ERCC6L2: variants seen among roughly 807,000 people sequenced by gnomAD.
The protein encoded by ERCC6L2 is DNA excision repair protein ERCC-6-like 2.
ERCC6L2 carries 77 observed loss-of-function variants against 132.0 expected under a neutral mutation model. The observed-to-expected ratio is 0.58, with a 90% CI of 0.49 to 0.71. ERCC6L2 has a LOEUF of 0.71. ERCC6L2 is among the 30% of genes least tolerant of loss of function. The pLI is 0.00. For missense variants in ERCC6L2, 1,542 were observed against 1,837.6 expected (o/e 0.84, Z 2.94); for synonymous variants, 583 against 632.4 (o/e 0.92, Z 1.17).
intron 19 of ERCC6L2, chr9:96,038,791 C>T (rs1834547442): frequency 4.4e-6 from 2 of 451,560 alleles, no homozygotes; most frequent in Non-Finnish European, 8.9e-6. Context: ...TAATTCCCCT[C>T]ATACCGAATG....
chr9:95,947,422 GGT>G (rs1371039713), intron 12 of ERCC6L2, among the ~76,000 whole-genome samples: 2 of 152,150 alleles, frequency 1.3e-5, no homozygotes, highest in African/African-American at 4.8e-5. Flanking sequence ...TGCAGGGATT[GGT>G]TCATGATGTT....
intron 17 of ERCC6L2, among the ~76,000 whole-genome samples, chr9:95,982,120 T>G (rs1279208180): frequency 6.6e-6 from 1 of 152,188 alleles, no homozygotes; most frequent in African/African-American, 2.4e-5. Context: ...CGGGTCGCTT[T>G]GTAGTAAAAC....
In ERCC6L2 at chr9:95,973,147, T is replaced by C. The variant is rs530026439; in HGVS notation, c.3337+59T>C. ...GTATATTTGTTTTATCAAATAGTTC[T>C]GTGAGACGCTTTGAATTAACTTGTA... On this transcript the variant is annotated intron_variant, in intron 16 of 18. Transcript: ENST00000653738. 4.5e-6 allele frequency: 5 copies of C among 1,101,514 alleles called. No individual in the cohort carries two copies. In the South Asian group the frequency reaches 8.1e-5, roughly 18 times the overall value. The allele number at this position is 1,101,514 out of a possible 1,614,324, so 68.2% of individuals were successfully genotyped here. A position where few individuals can be genotyped will look rare whatever the true frequency, so the allele number is the denominator to read the frequency against.
intron 2 of ERCC6L2, among the ~76,000 whole-genome samples, chr9:95,883,051 T>C (rs1429797478): frequency 6.6e-6 from 1 of 152,170 alleles, no homozygotes; most frequent in Non-Finnish European, 1.5e-5. Flanking sequence ...CCTAAAGCTT[T>C]AAACTTGTAT....
At chr9:96,041,046 C>T (rs773345188) in intron 20 of ERCC6L2, among the ~76,000 whole-genome samples, 1 of 152,158 alleles carries the variant, frequency 6.6e-6, no homozygotes. Flanking sequence ...AAGAACGAGC[C>T]CGATGCCAAT....
At chr9:95,916,168 A>G in intron 5 of ERCC6L2, 59 bp from the exon 6 acceptor site, 1 of 1,469,142 alleles carries the variant, frequency 6.8e-7, no homozygotes, top group Non-Finnish European at 9.5e-7. Context: ...TCTTAGAAGC[A>G]AGAAGTTAGT....
chr9:95,992,685 AC>A (rs1329303621), intron 17 of ERCC6L2, among the ~76,000 whole-genome samples: 1 of 152,176 alleles, frequency 6.6e-6, no homozygotes, highest in African/African-American at 2.4e-5. Flanking sequence ...TTCCCCAGAC[AC>A]TGGAGAGCCA....
At chr9:95,950,526 A>G (rs1362674408) in intron 12 of ERCC6L2, among the ~76,000 whole-genome samples, 2 of 152,334 alleles carry the variant, frequency 1.3e-5, no homozygotes, top group South Asian at 2.1e-4. Context: ...ATCAAATTCC[A>G]TAATTAAAAG....
rs764527388 is a variant in ERCC6L2 at position 95,881,301 on chromosome 9, ATTATG to A, written c.471+13_471+17del. ...CTTGGAAAAACAGTACAGGTATTTAATTATGTTATAACAGTAAAGTCACTTTACTG... is the reference window on the plus strand; with the variant it reads ...CTTGGAAAAACAGTACAGGTATTTAATTATAACAGTAAAGTCACTTTACTG... On this transcript the variant is annotated intron_variant, in intron 2 of 18. Coordinates refer to ENST00000653738, the MANE Select transcript of ERCC6L2 (RefSeq NM_020207.7). 3 of 1,540,874 alleles carry A rather than the reference ATTATG, an allele frequency of 1.9e-6. No individual in the cohort carries two copies. Among genetic ancestry groups the A allele is most frequent in the African/African-American group, 1.4e-5 (1 of 71,908 alleles).
At chr9:96,020,719 G>C (rs1834271506), downstream of ERCC6L2, 1 of 452,624 alleles carries the variant, frequency 2.2e-6, no homozygotes, top group Non-Finnish European at 4.5e-6. Flanking sequence ...GGAGAAACAT[G>C]CTTTGCGCTG....
At chr9:96,026,900 CACT>C (rs1279361274) in intron 19 of ERCC6L2, among the ~76,000 whole-genome samples, 1 of 119,832 alleles carries the variant, frequency 8.3e-6, no homozygotes, top group African/African-American at 3.2e-5. Flanking sequence ...CCACAACACA[CACT>C]ACACCAAACA....
At chr9:95,882,667 G>GA (rs11325885) in intron 2 of ERCC6L2, among the ~76,000 whole-genome samples, 24 of 148,578 alleles carry the variant, frequency 1.6e-4, no homozygotes, top group East Asian at 5.9e-4. Flanking sequence ...AAAAAGAAAA[G>GA]AAAAAAAAAA....
Position 95,897,972 on chromosome 9 carries a change from G to A in ERCC6L2, c.594+1G>A. 6.2e-7 allele frequency: 1 copy of A among 1,605,048 alleles called. No individual in the cohort carries two copies. Among genetic ancestry groups the A allele is most frequent in the Non-Finnish European group, 8.5e-7 (1 of 1,176,934 alleles). Reference sequence around the variant, plus strand: ...ACCCCTTTCTTCTACAGCAAAAAAGGTAAAATCTCTAGACAATGTATATTC... The same window carrying A: ...ACCCCTTTCTTCTACAGCAAAAAAGATAAAATCTCTAGACAATGTATATTC... On this transcript the variant is annotated splice_donor_variant, in intron 3 of 18. Coordinates refer to ENST00000653738, the MANE Select transcript of ERCC6L2 (RefSeq NM_020207.7). LOFTEE classifies it high-confidence loss of function.
intron 2 of ERCC6L2, among the ~76,000 whole-genome samples, chr9:95,889,045 T>C (rs1828022552): frequency 6.6e-6 from 1 of 152,012 alleles, no homozygotes; most frequent in Non-Finnish European, 1.5e-5. Flanking sequence ...GTAGATGATT[T>C]AAATGAGATA....
At chr9:95,943,778 A>G (rs896647301) in intron 12 of ERCC6L2, among the ~76,000 whole-genome samples, 5 of 152,200 alleles carry the variant, frequency 3.3e-5, no homozygotes, top group African/African-American at 1.2e-4. Context: ...ATCATTAGGG[A>G]AATGCATATC....
intron 11 of ERCC6L2, among the ~76,000 whole-genome samples, chr9:95,938,373 T>G (rs568390091): frequency 2.6e-5 from 4 of 152,196 alleles, no homozygotes; most frequent in Non-Finnish European, 5.9e-5. Flanking sequence ...TGGTTGGTCA[T>G]TTTGTTCTTT....
chr9:95,989,175 A>G (rs575055687), intron 17 of ERCC6L2, among the ~76,000 whole-genome samples: 1 of 152,140 alleles, frequency 6.6e-6, no homozygotes, highest in African/African-American at 2.4e-5. Flanking sequence ...GCTTCATTAC[A>G]TAGGTATTGA....
chr9:95,894,512 C>G (rs1311307874), intron 2 of ERCC6L2, among the ~76,000 whole-genome samples: 1 of 147,138 alleles, frequency 6.8e-6, no homozygotes, highest in African/African-American at 2.5e-5. Context: ...GTATTGTGAT[C>G]AAAGAACATA....
intron 20 of ERCC6L2, among the ~76,000 whole-genome samples, chr9:96,040,582 G>A (rs1834567054): frequency 6.6e-6 from 1 of 152,134 alleles, no homozygotes; most frequent in Non-Finnish European, 1.5e-5. Flanking sequence ...AGGTTCCTAA[G>A]TCCAGGCCTA....
Sources: allele counts gnomAD v4.1 joint callset (sites outside exome capture counted in the v4.1 genomes callset), GRCh38; gene constraint gnomAD v4.1.1; transcripts MANE v1.5; gene names NCBI Gene and HGNC (gene_info 2026-07-23, HGNC 2026-07-21).